Variants in ZCCHC7 observed in about 807,000 individuals in gnomAD.
ZCCHC7 encodes the protein zinc finger CCHC domain-containing protein 7.
A neutral mutation model predicts 52.0 loss-of-function variants in ZCCHC7; 35 were observed. The ratio of observed to expected loss-of-function variants is 0.67; its 90% CI spans 0.51 to 0.89. ZCCHC7 has a LOEUF of 0.89. Among genes scored for constraint, ZCCHC7 ranks in the 40% least tolerant of loss-of-function variants. The pLI is 0.00. For missense variants in ZCCHC7, 574 were observed against 649.1 expected (o/e 0.88, Z 1.26); for synonymous variants, 217 against 221.5 (o/e 0.98, Z 0.18).
At chr9:37,134,612 T>C (rs750567573) in intron 2 of ZCCHC7, among the ~76,000 whole-genome samples, 3 of 152,264 alleles carry the variant, frequency 2.0e-5, no homozygotes, top group Non-Finnish European at 4.4e-5. Flanking sequence ...GTCGCCATCC[T>C]GTTCCTGCCC....
At chr9:37,133,832 G>A (rs1842890322) in intron 2 of ZCCHC7, among the ~76,000 whole-genome samples, 1 of 152,044 alleles carries the variant, frequency 6.6e-6, no homozygotes, top group Non-Finnish European at 1.5e-5. Context: ...CAGGTGATCT[G>A]CCCACCTTGG....
intron 2 of ZCCHC7, among the ~76,000 whole-genome samples, chr9:37,218,673 G>A (rs1042334038): frequency 6.6e-6 from 1 of 152,156 alleles, no homozygotes; most frequent in Non-Finnish European, 1.5e-5. Context: ...GCTGGGCGTG[G>A]TGGCGCGCAC....
At chr9:37,208,796 G>C (rs1294538253) in intron 2 of ZCCHC7, among the ~76,000 whole-genome samples, 2 of 152,036 alleles carry the variant, frequency 1.3e-5, no homozygotes, top group African/African-American at 4.8e-5. Context: ...TTTCCACCAA[G>C]CAGCTAGAGA....
intron 6 of ZCCHC7, among the ~76,000 whole-genome samples, chr9:37,337,573 AAAG>A (rs1564263775): frequency 1.3e-5 from 2 of 152,176 alleles, no homozygotes; most frequent in African/African-American, 2.4e-5. Context: ...TTGAATTACA[AAAG>A]AAGAAGCTGG....
At chr9:37,150,325 A>T (rs536827035) in intron 2 of ZCCHC7, among the ~76,000 whole-genome samples, 101 of 152,350 alleles carry the variant, frequency 6.6e-4, no homozygotes, top group African/African-American at 2.4e-3. Flanking sequence ...GGACCAGTAA[A>T]CAAAATCAGC....
chr9:37,231,008 G>A (rs540005525), intron 2 of ZCCHC7, among the ~76,000 whole-genome samples: 1 of 151,866 alleles, frequency 6.6e-6, no homozygotes, highest in East Asian at 1.9e-4. Context: ...GATCTCTCTC[G>A]GCTCACTGCA....
intron 2 of ZCCHC7, among the ~76,000 whole-genome samples, chr9:37,264,102 C>A (rs571174717): frequency 1.9e-4 from 29 of 152,102 alleles, no homozygotes; most frequent in Non-Finnish European, 3.8e-4. Flanking sequence ...ATTGTTTAAA[C>A]CTTTCAAGAC....
At chr9:37,311,397 A>T (rs571438609) in intron 5 of ZCCHC7, among the ~76,000 whole-genome samples, 1 of 152,008 alleles carries the variant, frequency 6.6e-6, no homozygotes, top group Non-Finnish European at 1.5e-5. Context: ...AACATATTTC[A>T]CTTGATTCCT....
chr9:37,120,461 G>A (rs541876471), upstream of ZCCHC7: 6 of 397,980 alleles, frequency 1.5e-5, no homozygotes, highest in Non-Finnish European at 2.7e-5. Context: ...GCGGCAGGTG[G>A]GCGGGGACGG....
intron 2 of ZCCHC7, among the ~76,000 whole-genome samples, chr9:37,269,552 G>A (rs1323133327): frequency 7.3e-6 from 1 of 137,802 alleles, no homozygotes; most frequent in African/African-American, 2.7e-5. Context: ...TGGGGAGATC[G>A]AGACTGCAGT....
At chr9:37,122,541 A>T (rs1392361998) in intron 1 of ZCCHC7, among the ~76,000 whole-genome samples, 1 of 152,248 alleles carries the variant, frequency 6.6e-6, no homozygotes, top group Non-Finnish European at 1.5e-5. Flanking sequence ...TGGGACATAA[A>T]ATGGATATTT....
At chr9:37,237,725 T>C (rs547636284) in intron 2 of ZCCHC7, among the ~76,000 whole-genome samples, 1 of 152,268 alleles carries the variant, frequency 6.6e-6, no homozygotes, top group Non-Finnish European at 1.5e-5. Context: ...GACATGCAAG[T>C]TTAATATGCA....
chr9:37,255,789 A>T (rs1342005763), intron 2 of ZCCHC7, among the ~76,000 whole-genome samples: 1 of 152,148 alleles, frequency 6.6e-6, no homozygotes, highest in Admixed American at 6.5e-5. Context: ...CACTTTATCA[A>T]AATGGGACTA....
intron 2 of ZCCHC7, among the ~76,000 whole-genome samples, chr9:37,199,766 C>T (rs537693222): frequency 7.3e-5 from 11 of 150,190 alleles, no homozygotes; most frequent in East Asian, 2.0e-4. Flanking sequence ...AGTGCAGTGG[C>T]GCGATCTCGG....
At chr9:37,154,023 G>A (rs1008464212) in intron 2 of ZCCHC7, among the ~76,000 whole-genome samples, 1 of 151,900 alleles carries the variant, frequency 6.6e-6, no homozygotes, top group African/African-American at 2.4e-5. Context: ...CCAAGTAGAT[G>A]AGACCACAGG....
intron 2 of ZCCHC7, among the ~76,000 whole-genome samples, chr9:37,257,845 T>C (rs1826664850): frequency 6.6e-6 from 1 of 152,214 alleles, no homozygotes; most frequent in Admixed American, 6.5e-5. Context: ...GCTAAGCAGA[T>C]GCTGGTGCCA....
At chr9:37,145,951 T>A (rs1163291662) in intron 2 of ZCCHC7, among the ~76,000 whole-genome samples, 1 of 151,966 alleles carries the variant, frequency 6.6e-6, no homozygotes, top group Non-Finnish European at 1.5e-5. Flanking sequence ...TTGAAGTGTG[T>A]AGAACACACA....
intron 2 of ZCCHC7, among the ~76,000 whole-genome samples, chr9:37,257,067 T>C (rs897488522): frequency 6.6e-6 from 1 of 152,186 alleles, no homozygotes; most frequent in Non-Finnish European, 1.5e-5. Context: ...TGGCTTTGAA[T>C]AGAGCATTTT....
intron 2 of ZCCHC7, among the ~76,000 whole-genome samples, chr9:37,147,072 TTAGGACTTCTGTTTC>T (rs1333501788): frequency 6.6e-6 from 1 of 151,912 alleles, no homozygotes; most frequent in Non-Finnish European, 1.5e-5. Context: ...AGATAATTCA[TTAGGACTTCTGTTTC>T]TATAGTATCT....
Sources: allele counts gnomAD v4.1 joint callset (sites outside exome capture counted in the v4.1 genomes callset), GRCh38; gene constraint gnomAD v4.1.1; transcripts MANE v1.5; gene names NCBI Gene and HGNC (gene_info 2026-07-23, HGNC 2026-07-21).